MGMT: variants seen among roughly 807,000 people sequenced by gnomAD.
MGMT encodes O-6-methylguanine-DNA methyltransferase.
In MGMT, 14 loss-of-function variants were observed where a neutral mutation model predicts 15.9. That is an observed-to-expected ratio of 0.88 (90% CI 0.58 to 1.37). The LOEUF (loss-of-function observed/expected upper bound fraction) is 1.37. Ranked by LOEUF, MGMT falls within the 40% of genes most tolerant of loss-of-function variation. MGMT has a pLI of 0.00. For synonymous variants in MGMT, 130 were observed against 118.2 expected, an observed-to-expected ratio of 1.10 and a Z score of -0.65; for missense variants, 282 against 268.1, an observed-to-expected ratio of 1.05 and a Z score of -0.36.
intron 2 of MGMT, among the ~76,000 whole-genome samples, chr10:129,687,774 T>G (rs913536487): frequency 6.6e-6 from 1 of 151,900 alleles, no homozygotes; most frequent in Non-Finnish European, 1.5e-5. Flanking sequence ...TGTATACATG[T>G]GCCATGTTGG....
chr10:129,665,033 A>C (rs555559179), intron 2 of MGMT, among the ~76,000 whole-genome samples: 22 of 150,974 alleles, frequency 1.5e-4, no homozygotes, highest in African/African-American at 5.3e-4. Context: ...GCAGGTTTAA[A>C]AAATAGAGTT....
intron 2 of MGMT, among the ~76,000 whole-genome samples, chr10:129,670,596 C>G (rs1347562504): frequency 6.6e-6 from 1 of 152,096 alleles, no homozygotes; most frequent in African/African-American, 2.4e-5. Context: ...GTTTTGAAGA[C>G]ATCAATAAAA....
intron 1 of MGMT, among the ~76,000 whole-genome samples, chr10:129,488,241 T>G (rs1386276774): frequency 6.6e-6 from 1 of 152,112 alleles, no homozygotes; most frequent in Non-Finnish European, 1.5e-5. Flanking sequence ...TCACCAAAAC[T>G]TGGAGTTATC....
intron 2 of MGMT, among the ~76,000 whole-genome samples, chr10:129,585,373 G>T (rs1024230115): frequency 2.0e-5 from 3 of 152,184 alleles, no homozygotes; most frequent in Non-Finnish European, 4.4e-5. Flanking sequence ...TATACATACA[G>T]TAGTTCCCCC....
chr10:129,480,517 T>G (rs1845346247), intron 1 of MGMT, among the ~76,000 whole-genome samples: 1 of 152,186 alleles, frequency 6.6e-6, no homozygotes, highest in Non-Finnish European at 1.5e-5. Flanking sequence ...CCTTTCTCCT[T>G]AGGAAAGTCA....
chr10:129,692,263 C>T (rs1847978061), intron 2 of MGMT, among the ~76,000 whole-genome samples: 1 of 152,140 alleles, frequency 6.6e-6, no homozygotes, highest in Admixed American at 6.5e-5. Flanking sequence ...GGTCAGGAAT[C>T]AGGAATGACA....
intron 2 of MGMT, among the ~76,000 whole-genome samples, chr10:129,611,497 A>C (rs1361367149): frequency 6.6e-6 from 1 of 152,232 alleles, no homozygotes; most frequent in Admixed American, 6.5e-5. Flanking sequence ...ACTGAAGATC[A>C]CAAGTCAACA....
rs373981452 is a variant in MGMT at position 129,610,001 on chromosome 10, T to C, written c.125+73624T>C. On this transcript the variant is annotated intron_variant, in intron 2 of 4. Transcript: ENST00000651593. ...GCTGTTGAAAAGCAAAGGAGATGAA[T>C]AGAAAGCTTTAGGCAGACACTGAGA... 7.2e-5 allele frequency among the ~76,000 whole-genome samples: 11 copies of C among 152,260 alleles called. No homozygotes were observed. The East Asian group carries it at 1.7e-3, about 24-fold the overall frequency.
At chr10:129,743,742 A>G (rs1381894289) in intron 3 of MGMT, among the ~76,000 whole-genome samples, 1 of 152,246 alleles carries the variant, frequency 6.6e-6, no homozygotes, top group African/African-American at 2.4e-5. Flanking sequence ...CATTGTTTTC[A>G]CTTAAACCAC....
At chr10:129,632,581 C>T (rs757689364) in intron 2 of MGMT, among the ~76,000 whole-genome samples, 1 of 152,200 alleles carries the variant, frequency 6.6e-6, no homozygotes, top group African/African-American at 2.4e-5. Flanking sequence ...TATTTAAATG[C>T]TGCGTACGTG....
chr10:129,587,732 G>A (rs995058963), intron 2 of MGMT, among the ~76,000 whole-genome samples: 25 of 151,990 alleles, frequency 1.6e-4, no homozygotes, highest in Middle Eastern at 3.4e-3. Flanking sequence ...CACCGTACCC[G>A]ACCTATATTT....
At chr10:129,600,320 C>G (rs1846805006) in intron 2 of MGMT, among the ~76,000 whole-genome samples, 1 of 152,158 alleles carries the variant, frequency 6.6e-6, no homozygotes. Flanking sequence ...TTTCCTTTGT[C>G]TCCGAGCCAC....
At chr10:129,743,881 G>A (rs781196807) in intron 3 of MGMT, among the ~76,000 whole-genome samples, 44 of 152,344 alleles carry the variant, frequency 2.9e-4, no homozygotes, top group Non-Finnish European at 2.8e-4. Context: ...GGCCAGTTGG[G>A]CTTGACTCTG....
At chr10:129,689,779 T>A (rs531023800) in intron 2 of MGMT, among the ~76,000 whole-genome samples, 1 of 152,362 alleles carries the variant, frequency 6.6e-6, no homozygotes, top group South Asian at 2.1e-4. Context: ...AAGTTTGCTC[T>A]GAATTGCCTC....
chr10:129,738,505 C>T (rs1848592892), intron 3 of MGMT, among the ~76,000 whole-genome samples: 1 of 152,226 alleles, frequency 6.6e-6, no homozygotes, highest in Admixed American at 6.5e-5. Context: ...ATGCAGAAAT[C>T]ACCCATCTTC....
chr10:129,738,702 C>G (rs539634753), intron 3 of MGMT, among the ~76,000 whole-genome samples: 3 of 152,210 alleles, frequency 2.0e-5, no homozygotes, highest in African/African-American at 7.2e-5. Flanking sequence ...TAGCATGATT[C>G]ACAGCTGAAT....
intron 2 of MGMT, among the ~76,000 whole-genome samples, chr10:129,614,248 C>T (rs1397323667): frequency 6.6e-6 from 1 of 152,186 alleles, no homozygotes; most frequent in African/African-American, 2.4e-5. Context: ...TAGCACGTGT[C>T]AAAAGGTCCT....
chr10:129,537,588 T>C (rs1055693967), intron 2 of MGMT, among the ~76,000 whole-genome samples: 2 of 152,034 alleles, frequency 1.3e-5, no homozygotes, highest in Admixed American at 6.6e-5. Context: ...GGGAAAAAGG[T>C]ACAAAGTGAA....
At chr10:129,700,163 G>A (rs1016762242) in intron 2 of MGMT, 1 of 152,148 alleles carries the variant, frequency 6.6e-6, no homozygotes, top group African/African-American at 2.4e-5. Context: ...ATCGTCATCA[G>A]CAACGGCAGC....
Sources: gnomAD v4.1 joint callset for allele counts (sites outside exome capture counted in the v4.1 genomes callset) on GRCh38, gnomAD v4.1.1 for gene constraint, MANE v1.5 for transcripts, NCBI Gene and HGNC (gene_info 2026-07-23, HGNC 2026-07-21) for gene names.